Variants in LUZP2 observed in about 807,000 individuals in gnomAD.
LUZP2 encodes leucine zipper protein 2.
A neutral mutation model predicts 51.6 loss-of-function variants in LUZP2; 52 were observed. The ratio of observed to expected loss-of-function variants is 1.01; its 90% confidence interval spans 0.81 to 1.27. The LOEUF is 1.27. Ranked by LOEUF, LUZP2 falls within the 50% of genes most tolerant of loss-of-function variation. LUZP2 has a pLI of 0.00. For missense variants in LUZP2, 436 were observed against 395.4 expected (o/e 1.10, Z -0.87); for synonymous variants, 154 against 137.3 (o/e 1.12, Z -0.85).
At chr11:24,599,423 T>C (rs1392194325) in intron 1 of LUZP2, among the ~76,000 whole-genome samples, 1 of 152,130 alleles carries the variant, frequency 6.6e-6, no homozygotes, top group Admixed American at 6.6e-5. Flanking sequence ...GTAGAATTCC[T>C]TCACATTTGG....
chr11:24,850,981 G>A (rs1237199020), intron 5 of LUZP2, among the ~76,000 whole-genome samples: 4 of 152,188 alleles, frequency 2.6e-5, no homozygotes, highest in Non-Finnish European at 5.9e-5. Context: ...AGACTTTGCT[G>A]AAGTTGCTTA....
At chr11:24,863,536 A>G (rs1851801007) in intron 5 of LUZP2, among the ~76,000 whole-genome samples, 1 of 151,860 alleles carries the variant, frequency 6.6e-6, no homozygotes, top group African/African-American at 2.4e-5. Context: ...TGAAGTTTCC[A>G]AATACTGGGG....
At chr11:24,690,727 A>T (rs1857038737) in intron 1 of LUZP2, among the ~76,000 whole-genome samples, 1 of 152,074 alleles carries the variant, frequency 6.6e-6, no homozygotes, top group Non-Finnish European at 1.5e-5. Flanking sequence ...TGTAGTGAGA[A>T]TAGTATACTC....
intron 1 of LUZP2, among the ~76,000 whole-genome samples, chr11:24,699,682 TACACA>T (rs1565084895): frequency 2.0e-5 from 2 of 101,930 alleles, no homozygotes; most frequent in East Asian, 8.5e-4. Flanking sequence ...CACACATATA[TACACA>T]GACACACACA....
At chr11:24,948,505 G>A (rs1276331114) in intron 7 of LUZP2, among the ~76,000 whole-genome samples, 3 of 151,670 alleles carry the variant, frequency 2.0e-5, no homozygotes, top group Non-Finnish European at 4.4e-5. Flanking sequence ...GCAGGGCAGG[G>A]TTAGCACCAG....
chr11:24,590,770 A>G (rs1853231406), intron 1 of LUZP2, among the ~76,000 whole-genome samples: 1 of 152,176 alleles, frequency 6.6e-6, no homozygotes, highest in South Asian at 2.1e-4. Flanking sequence ...ATCTCAGGAT[A>G]TATGTGTTTT....
chr11:24,802,039 A>G lies in LUZP2; in HGVS notation c.396+38731A>G, dbSNP rs563880870. 1.1e-4 allele frequency among the ~76,000 whole-genome samples: 17 copies of G among 152,162 alleles called. No homozygotes were observed. The East Asian group carries it at 3.1e-3, about 28-fold the overall frequency. On this transcript the variant is annotated intron_variant, in intron 5 of 11. Coordinates refer to ENST00000336930, the MANE Select transcript of LUZP2 (RefSeq NM_001009909.4). ...ATGTGCATGTAATCCAAACATTACT[A>G]CATTACCAAAATCAGAAGTCTCCCT...
chr11:24,540,942 G>A (rs993338323), intron 1 of LUZP2, among the ~76,000 whole-genome samples: 16 of 152,062 alleles, frequency 1.1e-4, no homozygotes, highest in East Asian at 1.9e-4. Flanking sequence ...AGATGTAAAC[G>A]TGACACTTTA....
chr11:25,035,266 T>C (rs1857817852), intron 9 of LUZP2, among the ~76,000 whole-genome samples: 1 of 152,092 alleles, frequency 6.6e-6, no homozygotes, highest in Non-Finnish European at 1.5e-5. Context: ...GCTGATAATA[T>C]GATTCTTTAC....
intron 5 of LUZP2, among the ~76,000 whole-genome samples, chr11:24,766,640 G>C (rs1377224011): frequency 6.6e-6 from 1 of 152,040 alleles, no homozygotes; most frequent in Non-Finnish European, 1.5e-5. Context: ...TGCTTTGTTA[G>C]AAGTCAATTC....
intron 1 of LUZP2, among the ~76,000 whole-genome samples, chr11:24,672,719 A>T (rs1358587451): frequency 1.3e-5 from 2 of 152,206 alleles, no homozygotes; most frequent in Non-Finnish European, 2.9e-5. Flanking sequence ...CACACCTAGA[A>T]GGTATAGTCA....
intron 1 of LUZP2, among the ~76,000 whole-genome samples, chr11:24,648,814 A>T (rs1390944622): frequency 6.6e-6 from 1 of 152,012 alleles, no homozygotes; most frequent in African/African-American, 2.4e-5. Flanking sequence ...ATATTCCACA[A>T]TTTATTAGAT....
chr11:24,844,248 T>C (rs978952231), intron 5 of LUZP2, among the ~76,000 whole-genome samples: 37 of 152,238 alleles, frequency 2.4e-4, no homozygotes, highest in African/African-American at 8.9e-4. Context: ...GAAGAGGAAC[T>C]TGTTGGGAAC....
chr11:24,944,454 A>G (rs1854846145), intron 7 of LUZP2, among the ~76,000 whole-genome samples: 1 of 152,240 alleles, frequency 6.6e-6, no homozygotes, highest in African/African-American at 2.4e-5. Flanking sequence ...GTTGGAACAC[A>G]TAAAACATAC....
At chr11:25,027,288 A>C (rs1857519493) in intron 9 of LUZP2, among the ~76,000 whole-genome samples, 1 of 152,146 alleles carries the variant, frequency 6.6e-6, no homozygotes, top group Non-Finnish European at 1.5e-5. Flanking sequence ...TTTATCTTCA[A>C]ATCACTTTGG....
At chr11:24,939,930 T>G (rs2133847574) in intron 7 of LUZP2, among the ~76,000 whole-genome samples, 1 of 152,302 alleles carries the variant, frequency 6.6e-6, no homozygotes, top group South Asian at 2.1e-4. Context: ...TGGGCATGAC[T>G]TATCCTTGCA....
At chr11:24,525,993 A>G (rs1474772491) in intron 1 of LUZP2, among the ~76,000 whole-genome samples, 1 of 151,404 alleles carries the variant, frequency 6.6e-6, no homozygotes, top group East Asian at 1.9e-4. Context: ...GATTTTAGTG[A>G]AGACACCAGA....
chr11:24,769,786 C>CTCTTTTTTT lies in LUZP2; in HGVS notation c.396+6479_396+6480insCTTTTTTTT, dbSNP rs764723270. On this transcript the variant is annotated intron_variant, in intron 5 of 11. Coordinates refer to ENST00000336930, the MANE Select transcript of LUZP2 (RefSeq NM_001009909.4). ...GAAATAGGGAATCACACTAAATTCT[C>CTCTTTTTTT]TTTTTTGTTTGTTTGTTTTGTTTTG... is the stretch of plus-strand genomic sequence containing the variant. Among the ~76,000 whole-genome samples the CTCTTTTTTT allele has an allele frequency of 8.2e-5, 12 of 146,942 alleles. 1 individual carries two copies. The highest frequency in any genetic ancestry group is 1.3e-4 in the Non-Finnish European group (9 of 67,562).
intron 7 of LUZP2, among the ~76,000 whole-genome samples, chr11:24,959,737 C>T (rs970179355): frequency 6.6e-6 from 1 of 152,176 alleles, no homozygotes; most frequent in African/African-American, 2.4e-5. Flanking sequence ...ATTGAATACC[C>T]TTTATTTCCT....
Sources: allele counts gnomAD v4.1 joint callset (sites outside exome capture counted in the v4.1 genomes callset), GRCh38; gene constraint gnomAD v4.1.1; transcripts MANE v1.5; gene names NCBI Gene and HGNC (gene_info 2026-07-23, HGNC 2026-07-21).